Variants in MLLT3 observed in about 807,000 individuals in gnomAD.
The protein encoded by MLLT3 is protein AF-9.
In MLLT3, 4 loss-of-function variants were observed where a neutral mutation model predicts 53.2. The observed-to-expected ratio is 0.08, with a 90% CI of 0.04 to 0.17. MLLT3 has a LOEUF of 0.17. Ranked by LOEUF, MLLT3 falls within the 10% of genes least tolerant of loss-of-function variation. The probability of loss-of-function intolerance (pLI) is 1.00; values close to 1 mark genes in which losing one functional copy is unlikely to be tolerated. For missense variants in MLLT3, 569 were observed against 684.0 expected, an observed-to-expected ratio of 0.83 and a Z score of 1.87; for synonymous variants, 283 against 230.6, an observed-to-expected ratio of 1.23 and a Z score of -2.06.
In MLLT3 at chr9:20,620,941, A is replaced by C; in HGVS notation, c.13-107T>G. 34 of 1,242,084 alleles carry C rather than the reference A, an allele frequency of 2.7e-5. No homozygotes were observed. Among genetic ancestry groups the C allele is most frequent in the East Asian group, 4.9e-5 (2 of 40,718 alleles). The allele number at this position is 1,242,084 out of a possible 1,614,324, so 76.9% of individuals were successfully genotyped here. A position where few individuals can be genotyped will look rare whatever the true frequency, so the allele number is the denominator to read the frequency against. ...TCCTCCTTCTTGAAACGCACATAAA[A>C]GGAAACGGCGGTGCCCTCTGCATCC... On this transcript the variant is annotated intron_variant, in intron 1 of 10. Coordinates refer to ENST00000380338, the MANE Select transcript of MLLT3 (RefSeq NM_004529.4). The surrounding 1 kb of genome is among the most constrained non-coding windows in gnomAD (Gnocchi z 6.1).
At chr9:20,466,549 G>T (rs1824242505) in intron 2 of MLLT3, among the ~76,000 whole-genome samples, 1 of 152,128 alleles carries the variant, frequency 6.6e-6, no homozygotes, top group Non-Finnish European at 1.5e-5. Flanking sequence ...GACTATAGAA[G>T]TGAGAAACAC....
intron 5 of MLLT3, among the ~76,000 whole-genome samples, chr9:20,366,825 CTCA>C (rs1412465307): frequency 6.6e-6 from 1 of 152,192 alleles, no homozygotes; most frequent in African/African-American, 2.4e-5. Flanking sequence ...TGAAAAAAAG[CTCA>C]TCATTACTGG....
chr9:20,496,871 C>T (rs1339151434), intron 2 of MLLT3, among the ~76,000 whole-genome samples: 1 of 152,206 alleles, frequency 6.6e-6, no homozygotes. Flanking sequence ...ATGATAGGTA[C>T]ACTGAGGCAC....
chr9:20,496,418 G>A (rs1164770275), intron 2 of MLLT3, among the ~76,000 whole-genome samples: 1 of 152,048 alleles, frequency 6.6e-6, no homozygotes, highest in Admixed American at 6.5e-5. Context: ...TATAATTCAT[G>A]CCTGGACTAA....
intron 2 of MLLT3, among the ~76,000 whole-genome samples, chr9:20,524,106 T>C (rs1156582794): frequency 1.3e-5 from 2 of 152,108 alleles, no homozygotes; most frequent in Non-Finnish European, 2.9e-5. Context: ...TGTGATTCTA[T>C]AATGGTGGAT....
At chr9:20,353,711 C>T (rs1034958013) in intron 9 of MLLT3, 115 bp from the exon 10 acceptor site, 2 of 837,400 alleles carry the variant, frequency 2.4e-6, no homozygotes, top group Admixed American at 1.9e-5. Context: ...TCTCATTACA[C>T]CACTCTAGCC....
At chr9:20,440,896 T>C (rs748942887) in intron 4 of MLLT3, among the ~76,000 whole-genome samples, 8 of 152,232 alleles carry the variant, frequency 5.3e-5, no homozygotes, top group Admixed American at 1.3e-4. Context: ...CTTTAAGATA[T>C]CACAGCATTT....
intron 4 of MLLT3, among the ~76,000 whole-genome samples, chr9:20,435,185 T>C (rs1823371310): frequency 6.6e-6 from 1 of 152,024 alleles, no homozygotes. Flanking sequence ...CCTGGACTGG[T>C]GGCTGTGAAT....
intron 2 of MLLT3, among the ~76,000 whole-genome samples, chr9:20,543,715 CGGAGGAGGAAGGAGGAAGGAGGA>C (rs993283569): frequency 3.0e-4 from 42 of 142,002 alleles, no homozygotes; most frequent in African/African-American, 1.0e-3. Flanking sequence ...AGGAGGAGGA[CGGAGGAGGAAGGAGGAAGGAGGA>C]GGAGGAGGAT....
intron 3 of MLLT3, among the ~76,000 whole-genome samples, chr9:20,456,008 G>A (rs906780592): frequency 6.8e-5 from 10 of 147,698 alleles, no homozygotes; most frequent in African/African-American, 2.3e-4. Context: ...GTGCGATCTC[G>A]GCTCACTGCC....
At chr9:20,362,858 T>C (rs573486743) in intron 7 of MLLT3, 20 of 152,268 alleles carry the variant, frequency 1.3e-4, no homozygotes, top group African/African-American at 4.8e-4. Context: ...AAAGTAAGCA[T>C]GCCTATTTGT....
At chr9:20,596,795 T>A (rs2131192382) in intron 2 of MLLT3, among the ~76,000 whole-genome samples, 1 of 152,352 alleles carries the variant, frequency 6.6e-6, no homozygotes, top group African/African-American at 2.4e-5. Context: ...AATTACACAT[T>A]AATTTTAAAT....
At chr9:20,446,773 C>T (rs1424451416) in intron 4 of MLLT3, among the ~76,000 whole-genome samples, 2 of 152,180 alleles carry the variant, frequency 1.3e-5, no homozygotes, top group South Asian at 2.1e-4. Context: ...AACAGAGTTA[C>T]TTTTCCAAAC....
At chr9:20,602,619 GCAATACATTTATTA>G (rs964623246) in intron 2 of MLLT3, among the ~76,000 whole-genome samples, 2 of 152,016 alleles carry the variant, frequency 1.3e-5, no homozygotes, top group African/African-American at 4.8e-5. Flanking sequence ...CACTGCAAAA[GCAATACATTTATTA>G]CAAGGAAGTA....
chr9:20,406,292 A>C (rs1822575459), intron 5 of MLLT3, among the ~76,000 whole-genome samples: 1 of 152,016 alleles, frequency 6.6e-6, no homozygotes, highest in African/African-American at 2.4e-5. Flanking sequence ...CCTCATCTCT[A>C]CTAATTCATG....
intron 2 of MLLT3, chr9:20,533,277 G>T (rs1399605752): frequency 9.3e-6 from 3 of 323,960 alleles, no homozygotes; most frequent in African/African-American, 4.3e-5. Context: ...TCCCTAGACT[G>T]TGGCTCACAT....
chr9:20,477,567 T>C (rs1824556216), intron 2 of MLLT3, among the ~76,000 whole-genome samples: 1 of 152,030 alleles, frequency 6.6e-6, no homozygotes, highest in Non-Finnish European at 1.5e-5. Flanking sequence ...CAAAACTGGA[T>C]AGGGAAAATT....
chr9:20,549,586 G>T (rs932906504), intron 2 of MLLT3, among the ~76,000 whole-genome samples: 1 of 152,202 alleles, frequency 6.6e-6, no homozygotes, highest in African/African-American at 2.4e-5. Flanking sequence ...GGAAATGACA[G>T]TTAATGAACA....
At position 20,365,695 on chromosome 9, in the gene MLLT3, AAGCTGG is replaced by A. The variant is rs777046863; in HGVS notation, c.1169_1174del (p.Ser390_Ser391del). The stretch of plus-strand genomic sequence containing the variant: ...TTGTTGCCTGGTCTGGGATGGTGTG[AAGCTGG>A]AGCTGGAGCTGGAGCTGGAGCTGGC... On this transcript the variant is annotated inframe_deletion, in exon 6 of 11. Transcript: ENST00000380338. 1.7e-5 allele frequency: 27 copies of A among 1,614,046 alleles called. No individual in the cohort carries two copies. Among genetic ancestry groups the A allele is most frequent in the African/African-American group, 2.7e-5 (2 of 74,908 alleles).
Sources: allele counts gnomAD v4.1 joint callset (sites outside exome capture counted in the v4.1 genomes callset), GRCh38; gene constraint gnomAD v4.1.1; non-coding constraint Gnocchi (gnomAD v3.1); transcripts MANE v1.5; gene names NCBI Gene and HGNC (gene_info 2026-07-23, HGNC 2026-07-21).